Variants in ZFP91 observed in about 807,000 individuals in gnomAD.
ZFP91 encodes the protein ZFP91 zinc finger protein, atypical E3 ubiquitin ligase, also known as E3 ubiquitin-protein ligase ZFP91.
In ZFP91, 7 loss-of-function variants were observed where a neutral mutation model predicts 63.5. The observed-to-expected ratio is 0.11, with a 90% CI of 0.06 to 0.21. The LOEUF (loss-of-function observed/expected upper bound fraction) is 0.21, where lower values mean the gene tolerates loss of function less well. Among genes scored for constraint, ZFP91 ranks in the 10% least tolerant of loss-of-function variants. ZFP91 has a pLI of 1.00. For missense variants in ZFP91, 628 were observed against 736.6 expected (o/e 0.85, Z 1.71); for synonymous variants, 330 against 272.1 (o/e 1.21, Z -2.10).
intron 8 of ZFP91, among the ~76,000 whole-genome samples, chr11:58,613,747 A>G (rs1173350625): frequency 1.3e-5 from 2 of 152,126 alleles, no homozygotes; most frequent in Admixed American, 6.6e-5. Context: ...TACCACTTAT[A>G]TTTAGGTCTG....
At chr11:58,579,664 G>T in intron 1 of ZFP91, 42 bp downstream of exon 1, 1 of 1,490,568 alleles carries the variant, frequency 6.7e-7, no homozygotes, top group Non-Finnish European at 8.9e-7. Context: ...ACCCCCCTCT[G>T]TCCGTACGCA....
chr11:58,609,184 G>A (rs114529167), intron 2 of ZFP91, among the ~76,000 whole-genome samples: 1,665 of 152,146 alleles, frequency 0.011, 38 homozygotes, highest in African/African-American at 0.038. Context: ...ATGACCTACC[G>A]TACTTCACCC....
intron 7 of ZFP91, 45 bp from the exon 8 acceptor site, chr11:58,612,717 C>T (rs1241111333): frequency 1.6e-6 from 2 of 1,224,886 alleles, no homozygotes; most frequent in Non-Finnish European, 2.2e-6. Flanking sequence ...TGCAGAGTAC[C>T]ACTTTTTTTT....
rs1171668874 is a variant in ZFP91, at chr11:58,620,046, TCTC to T, written c.*2343_*2345del. The T allele has an allele frequency of 2.6e-5, 4 of 152,182 alleles. No homozygotes were observed. Among genetic ancestry groups the T allele is most frequent in the African/African-American group, 9.7e-5 (4 of 41,448 alleles). The allele number at this position is 152,182 out of a possible 1,614,324, so 9.4% of individuals were successfully genotyped here. The stretch of plus-strand genomic sequence containing the variant: ...CTTTCTGAGATGGGAGAAAATGTAT[TCTC>T]CTTTCCTATACCGCTCTCCCAACAA... On this transcript the variant is annotated 3_prime_UTR_variant, in exon 11 of 11. Transcript: ENST00000316059.
intron 2 of ZFP91, among the ~76,000 whole-genome samples, chr11:58,601,069 G>GT (rs1483359929): frequency 6.6e-6 from 1 of 152,128 alleles, no homozygotes; most frequent in Non-Finnish European, 1.5e-5. Flanking sequence ...TTGGCTTATG[G>GT]TTTTTTGTGG....
At chr11:58,604,662 T>C (rs964614156) in intron 2 of ZFP91, among the ~76,000 whole-genome samples, 5 of 152,256 alleles carry the variant, frequency 3.3e-5, no homozygotes, top group African/African-American at 1.2e-4. Context: ...GCCTGCAGTC[T>C]GAATGCGGCT....
intron 1 of ZFP91, 121 bp downstream of exon 1, chr11:58,579,743 A>C: frequency 1.1e-6 from 1 of 946,818 alleles, no homozygotes; most frequent in Non-Finnish European, 1.5e-6. Context: ...CCGGCTCCGC[A>C]CGCCAGATGT....
At chr11:58,612,404 G>T (rs1855680654) in intron 7 of ZFP91, 76 bp downstream of exon 7, 1 of 1,462,258 alleles carries the variant, frequency 6.8e-7, no homozygotes, top group African/African-American at 1.4e-5. Flanking sequence ...TAGACTTCAT[G>T]ATAATCCTGC....
intron 2 of ZFP91, among the ~76,000 whole-genome samples, chr11:58,604,779 A>T (rs1034649059): frequency 6.6e-6 from 1 of 152,106 alleles, no homozygotes; most frequent in South Asian, 2.1e-4. Context: ...AGTGTATTTT[A>T]TGTGTGGCCC....
rs765649469 is a variant in ZFP91 at position 58,617,500 on chromosome 11, A to C, written c.1507A>C (p.Thr503Pro). Residue 503 changes from threonine (T) to proline (P), a missense_variant, in exon 11 of 11, where the codon ACC becomes CCC. Physicochemically the swap from Thr to Pro is conservative, Grantham distance 38. Transcript: ENST00000316059. This position sits in a 1 kb window ranked among gnomAD's most constrained non-coding sequence, Gnocchi z 4.2. Reference protein sequence around the residue: ...PLLPEPLGNSTSGECLLLEAE... With the variant: ...PLLPEPLGNSPSGECLLLEAE... ...TCTTCCTGAGCCCTTGGGAAACTCAACCTCTGGAGAGTGCCTACTGTTAGA... is the reference window on the plus strand; with the variant it reads ...TCTTCCTGAGCCCTTGGGAAACTCACCCTCTGGAGAGTGCCTACTGTTAGA... The C allele has an allele frequency of 1.9e-6, 3 of 1,613,970 alleles. No individual in the cohort carries two copies. In the African/African-American group the frequency reaches 4.0e-5, roughly 22 times the overall value.
Position 58,617,693 on chromosome 11 carries a change from C to T in ZFP91, c.1700C>T (p.Ser567Phe), listed in dbSNP as rs757119281. The stretch of plus-strand genomic sequence containing the variant: ...GAGGTTCTGATTGAAGATTCAGACT[C>T]TGCCGGACCTTAGTGGACAGGAAGA... ...TTEVLIEDSD[S>F]AGP Residue 567 changes from serine (S) to phenylalanine (F), a missense_variant, in exon 11 of 11, where the codon TCT becomes TTT. Coordinates refer to ENST00000316059, the MANE Select transcript of ZFP91 (RefSeq NM_053023.5). The surrounding 1 kb of genome is among the most constrained non-coding windows in gnomAD (Gnocchi z 4.2). 6.6e-7 allele frequency: 1 copy of T among 1,505,908 alleles called. No individual in the cohort carries two copies. The highest frequency in any genetic ancestry group is 1.4e-5 in the South Asian group (1 of 73,130). The allele number at this position is 1,505,908 out of a possible 1,614,324, so 93.3% of individuals were successfully genotyped here.
At chr11:58,590,418 A>G (rs566819828) in intron 2 of ZFP91, among the ~76,000 whole-genome samples, 1 of 152,278 alleles carries the variant, frequency 6.6e-6, no homozygotes, top group Non-Finnish European at 1.5e-5. Context: ...CTCATTGGTC[A>G]TTCAGTTCAG....
Position 58,596,040 on chromosome 11 carries a change from A to AG in ZFP91, c.370+11157dup, listed in dbSNP as rs1855395950. On this transcript the variant is annotated intron_variant, in intron 2 of 10. Coordinates refer to ENST00000316059, the MANE Select transcript of ZFP91 (RefSeq NM_053023.5). ...TTAACTTCCCAGAAACTTTACTAATAGCCTGCTGTTGACCAGAAGCTTTAT... is the reference window on the plus strand; with the variant it reads ...TTAACTTCCCAGAAACTTTACTAATAGGCCTGCTGTTGACCAGAAGCTTTAT... Among the ~76,000 whole-genome samples, 4 of 152,202 alleles carry AG rather than the reference A, an allele frequency of 2.6e-5. 1 individual carries two copies. In the South Asian group the frequency reaches 8.3e-4, roughly 31 times the overall value.
intron 2 of ZFP91, among the ~76,000 whole-genome samples, chr11:58,605,294 T>C (rs937075223): frequency 6.6e-6 from 1 of 152,214 alleles, no homozygotes; most frequent in African/African-American, 2.4e-5. Context: ...TTTTGTACAT[T>C]TGTCTTTCAA....
chr11:58,607,087 G>T (rs1470727619), intron 2 of ZFP91, among the ~76,000 whole-genome samples: 1 of 151,968 alleles, frequency 6.6e-6, no homozygotes, highest in Non-Finnish European at 1.5e-5. Context: ...AGGAGGTTGT[G>T]GGCATACCAT....
chr11:58,616,671 A>G lies in ZFP91; in HGVS notation c.1103-45A>G, dbSNP rs781700572. On this transcript the variant is annotated intron_variant, in intron 9 of 10. Transcript: ENST00000316059. Reference sequence around the variant, plus strand: ...TTACTTACTGTAAGGGAAAATATTTACAGGGTATCTAAATAGAACACTAAC... The same window carrying G: ...TTACTTACTGTAAGGGAAAATATTTGCAGGGTATCTAAATAGAACACTAAC... 2.6e-6 allele frequency: 4 copies of G among 1,534,678 alleles called. No individual in the cohort carries two copies. The Admixed American group carries it at 5.1e-5, about 19-fold the overall frequency.
chr11:58,582,318 G>T (rs1264393759), intron 1 of ZFP91, among the ~76,000 whole-genome samples: 1 of 152,124 alleles, frequency 6.6e-6, no homozygotes, highest in Non-Finnish European at 1.5e-5. Context: ...AAGAGGTTTT[G>T]AGTCCAAACC....
Position 58,611,731 on chromosome 11 carries a change from C to T in ZFP91, c.850C>T (p.Pro284Ser), listed in dbSNP as rs1371429311. Residue 284 changes from proline to serine, a missense_variant, in exon 6 of 11, where the codon CCA (proline) becomes TCA (serine). Coordinates refer to ENST00000316059, the MANE Select transcript of ZFP91 (RefSeq NM_053023.5). ...ENEIREDEEPPRKRGRRRKDD... is the reference protein window; with the variant it reads ...ENEIREDEEPSRKRGRRRKDD... ...TGAAATTAGAGAGGATGAGGAACCT[C>T]CAAGGAAGTGAGTAGGCAATTATTA... 1 of 1,600,610 alleles carries T rather than the reference C, an allele frequency of 6.2e-7. No homozygotes were observed. The highest frequency in any genetic ancestry group is 8.5e-7 in the Non-Finnish European group (1 of 1,173,876).
intron 2 of ZFP91, among the ~76,000 whole-genome samples, chr11:58,606,013 T>G (rs959879478): frequency 7.2e-4 from 110 of 152,182 alleles, no homozygotes; most frequent in African/African-American, 2.7e-3. Context: ...TGCGGTGAAT[T>G]TTTAATTTCA....
Sources: allele counts gnomAD v4.1 joint callset (sites outside exome capture counted in the v4.1 genomes callset), GRCh38; gene constraint gnomAD v4.1.1; non-coding constraint Gnocchi (gnomAD v3.1); transcripts MANE v1.5; gene names NCBI Gene and HGNC (gene_info 2026-07-23, HGNC 2026-07-21).